COASY: variants seen among roughly 807,000 people sequenced by gnomAD.
COASY encodes the protein Coenzyme A synthase.
A neutral mutation model predicts 49.4 loss-of-function variants in COASY; 31 were observed. The observed-to-expected ratio is 0.63, with a 90% CI of 0.47 to 0.85. The LOEUF (loss-of-function observed/expected upper bound fraction) is 0.85. COASY is among the 40% of genes least tolerant of loss of function. The pLI, the probability that COASY is intolerant of heterozygous loss-of-function variation, is 0.00. For synonymous variants in COASY, 285 were observed against 310.9 expected (o/e 0.92, Z 0.88); for missense variants, 730 against 734.1 (o/e 0.99, Z 0.06).
Position 42,563,951 on chromosome 17 carries a change from C to T in COASY, c.701-10C>T, listed in dbSNP as rs1195229245. The T allele has an allele frequency of 5.6e-6, 9 of 1,592,950 alleles. No homozygotes were observed. The highest frequency in any genetic ancestry group is 1.3e-5 in the African/African-American group (1 of 74,414). ...AAAGATCTCACTGTTCTTCTGGGCT[C>T]CTTCCCCAGGCAAGTTGCTCCCTGA... On this transcript the variant is annotated splice_polypyrimidine_tract_variant and intron_variant, in intron 1 of 8. Transcript: ENST00000393818.
In COASY at chr17:42,562,858, G is replaced by A. The variant is rs1452823466; in HGVS notation, c.236G>A (p.Arg79Lys). The A allele has an allele frequency of 6.2e-7, 1 of 1,613,392 alleles. No individual in the cohort carries two copies. The highest frequency in any genetic ancestry group is 8.5e-7 in the Non-Finnish European group (1 of 1,179,558). ...CTCTATGCTGGCGCCGACGTCCACA[G>A]GCACTTGGACGTCAGAATCCTACTG... ...THLYAGADVH[R>K]HLDVRILLTN... is the part of the protein sequence containing the mutation. The change falls in exon 1 of 9, where the codon AGG becomes AAG. Residue 79 changes from arginine to lysine, a missense_variant. Arg to Lys is a conservative substitution (Grantham distance 26, BLOSUM62 2). Transcript: ENST00000393818.
In COASY at chr17:42,562,230, G is replaced by C. The variant is rs377332971; in HGVS notation, c.-393G>C. 1 of 559,424 alleles carries C rather than the reference G, an allele frequency of 1.8e-6. No homozygotes were observed. The highest frequency in any genetic ancestry group is 1.9e-5 in the African/African-American group (1 of 51,826). 34.7% of individuals were successfully genotyped at this position (559,424 alleles called of 1,614,324 possible). A position where few individuals can be genotyped will look rare whatever the true frequency, so the allele number is the denominator to read the frequency against. On this transcript the variant is annotated 5_prime_UTR_variant, in exon 1 of 9. Coordinates refer to ENST00000393818, the MANE Select transcript of COASY (RefSeq NM_025233.7). ...AGCCTTGAGGTTTCAGTGAGTAGGG[G>C]GCCGACGTGAGCTTTAGCGTCCCCC...
At chr17:42,565,358 T>C in intron 6 of COASY, 47 bp downstream of exon 6, 1 of 1,609,680 alleles carries the variant, frequency 6.2e-7, no homozygotes, top group Non-Finnish European at 8.5e-7. Context: ...AGTTAAGCTG[T>C]TTCTTCCCCT....
At chr17:42,563,674 T>G in intron 1 of COASY, 3 of 516,882 alleles carry the variant, frequency 5.8e-6, no homozygotes, top group Non-Finnish European at 1.0e-5. Flanking sequence ...ATGGCATGGG[T>G]CTTGGAATTT....
Position 42,563,907 on chromosome 17 carries a change from A to G in COASY, c.701-54A>G, listed in dbSNP as rs569578413. ...GGGACACTTTTTCCCAAACTGGCCC[A>G]TACTCTCCTCCCCAATAAAAAGATC... On this transcript the variant is annotated intron_variant, in intron 1 of 8. Transcript: ENST00000393818. The G allele has an allele frequency of 9.7e-5, 143 of 1,471,254 alleles. No individual in the cohort carries two copies. In the African/African-American group the frequency reaches 1.7e-3, roughly 18 times the overall value. 91.1% of individuals were successfully genotyped at this position (1,471,254 alleles called of 1,614,324 possible). A position where few individuals can be genotyped will look rare whatever the true frequency, so the allele number is the denominator to read the frequency against.
rs2092980462 is a variant in COASY, at chr17:42,562,544, C to G, written c.-79C>G. 1 of 1,599,788 alleles carries G rather than the reference C, an allele frequency of 6.3e-7. No individual in the cohort carries two copies. Among genetic ancestry groups the G allele is most frequent in the African/African-American group, 1.3e-5 (1 of 74,224 alleles). On this transcript the variant is annotated 5_prime_UTR_variant, in exon 1 of 9. Transcript: ENST00000393818. ...CCTCCTTCTCTGGGGTCCAAGGTCC[C>G]ATACAGGCCTCTGCCTCGGCCGCAG... is the stretch of plus-strand genomic sequence containing the variant.
chr17:42,564,724 C>G lies in COASY; in HGVS notation c.1063C>G (p.Pro355Ala). 6.5e-7 allele frequency: 1 copy of G among 1,526,888 alleles called. No individual in the cohort carries two copies. The highest frequency in any genetic ancestry group is 8.8e-7 in the Non-Finnish European group (1 of 1,141,394). 94.6% of individuals were successfully genotyped at this position (1,526,888 alleles called of 1,614,324 possible). A position where few individuals can be genotyped will look rare whatever the true frequency, so the allele number is the denominator to read the frequency against. The change falls in exon 4 of 9, where the codon CCC becomes GCC. Residue 355 changes from proline to alanine, a missense_variant. Transcript: ENST00000393818. Reference protein sequence around the residue: ...LRPPYERPELPTCLYVIGLTG... With the variant: ...LRPPYERPELATCLYVIGLTG... ...CTATCCCCAGGAAAGGCCAGAGCTC[C>G]CCACATGTCTCTATGTAATTGGGCT... is the stretch of plus-strand genomic sequence containing the variant.
chr17:42,563,214 G>A lies in COASY; in HGVS notation c.592G>A (p.Gly198Ser). Reference sequence around the variant, plus strand: ...TGGCTACTACCGTGGCGCTGTCGGTGGCACGTTTGACCGCCTGCACAACGC... The same window carrying A: ...TGGCTACTACCGTGGCGCTGTCGGTAGCACGTTTGACCGCCTGCACAACGC... ...VRGYYRGAVG[G>S]TFDRLHNAHK... Residue 198 changes from glycine to serine, a missense_variant, in exon 1 of 9, where the codon GGC (glycine) becomes AGC (serine). Coordinates refer to ENST00000393818, the MANE Select transcript of COASY (RefSeq NM_025233.7). The A allele has an allele frequency of 1.2e-6, 2 of 1,613,764 alleles. No homozygotes were observed. Among genetic ancestry groups the A allele is most frequent in the Non-Finnish European group, 1.7e-6 (2 of 1,180,020 alleles).
intron 2 of COASY, 113 bp from the exon 3 acceptor site, chr17:42,564,333 G>A: frequency 6.5e-7 from 1 of 1,539,084 alleles, no homozygotes; most frequent in Non-Finnish European, 9.0e-7. Flanking sequence ...TGCCCGCTGA[G>A]TCGGAGGAGG....
chr17:42,564,464 T>C lies in COASY; in HGVS notation c.934T>C (p.Leu312=). The C allele has an allele frequency of 6.2e-7, 1 of 1,614,082 alleles. No homozygotes were observed. Among genetic ancestry groups the C allele is most frequent in the African/African-American group, 1.3e-5 (1 of 75,016 alleles). Residue 312 remains leucine (L), a synonymous_variant, in exon 3 of 9, where the codon TTG becomes CTG. Coordinates refer to ENST00000393818, the MANE Select transcript of COASY (RefSeq NM_025233.7). Reference sequence around the variant, plus strand: ...ACCCCAGGACCTGGAGGAACTTGCTTTGTACCAGATCCAGCTGCTGAAGGA... The same window carrying C: ...ACCCCAGGACCTGGAGGAACTTGCTCTGTACCAGATCCAGCTGCTGAAGGA... The part of the protein sequence containing the change: ...RLENDLEELA[L]YQIQLLKDLR...
In COASY at chr17:42,565,681, G is replaced by T; in HGVS notation, c.1508G>T (p.Arg503Met). The change falls in exon 8 of 9, where the codon AGG (arginine) becomes ATG (methionine). Residue 503 changes from arginine (R) to methionine (M), a missense_variant. Physicochemically the swap from Arg to Met is moderately conservative, Grantham distance 91. Transcript: ENST00000393818. ...CAGGCTGTAAGACGCATTGTGGAGAGGGATGGCCTCAGTGAAGCCGCGGCT... is the reference window on the plus strand; with the variant it reads ...CAGGCTGTAAGACGCATTGTGGAGATGGATGGCCTCAGTGAAGCCGCGGCT... ...ETEAVRRIVE[R>M]DGLSEAAAQS... 1.2e-6 allele frequency: 2 copies of T among 1,614,136 alleles called. No homozygotes were observed. The highest frequency in any genetic ancestry group is 1.7e-6 in the Non-Finnish European group (2 of 1,180,044).
rs748263334 is a variant in COASY at position 42,563,058 on chromosome 17, C to G, written c.436C>G (p.Arg146Gly). 1.9e-6 allele frequency: 3 copies of G among 1,614,150 alleles called. No homozygotes were observed. Among genetic ancestry groups the G allele is most frequent in the Non-Finnish European group, 1.7e-6 (2 of 1,180,032 alleles). ...YATSCYSCCP[R>G]LASVLLYSDY... ...CACCAGCTGTTACAGCTGTTGTCCGCGACTGGCCTCGGTGCTGCTATACTC... is the reference window on the plus strand; with the variant it reads ...CACCAGCTGTTACAGCTGTTGTCCGGGACTGGCCTCGGTGCTGCTATACTC... The change falls in exon 1 of 9, where the codon CGA becomes GGA. Residue 146 changes from arginine (R) to glycine (G), a missense_variant. Arg to Gly is a moderately radical substitution (Grantham distance 125). Transcript: ENST00000393818.
In COASY at chr17:42,562,513, T is replaced by C. The variant is rs1338906942; in HGVS notation, c.-110T>C. 5 of 1,612,714 alleles carry C rather than the reference T, an allele frequency of 3.1e-6. No homozygotes were observed. The highest frequency in any genetic ancestry group is 3.4e-6 in the Non-Finnish European group (4 of 1,179,652). ...GTCAGCACTGAAACCCCGTCCCTGC[T>C]CCAGGCCTCCTTCTCTGGGGTCCAA... On this transcript the variant is annotated 5_prime_UTR_variant, in exon 1 of 9. Coordinates refer to ENST00000393818, the MANE Select transcript of COASY (RefSeq NM_025233.7).
Position 42,562,952 on chromosome 17 carries a change from G to A in COASY, c.330G>A (p.Pro110=), listed in dbSNP as rs201571427. ...LPTSVQNLAH[P]PEVVLTDFQT... is the part of the protein sequence containing the mutation. ...CCTCAGTCCAGAATCTCGCCCACCC[G>A]CCAGAAGTCGTGTTGACAGATTTCC... The change falls in exon 1 of 9, where the codon CCG becomes CCA. Residue 110 remains proline (P), a synonymous_variant. Coordinates refer to ENST00000393818, the MANE Select transcript of COASY (RefSeq NM_025233.7). 3.1e-6 allele frequency: 5 copies of A among 1,613,656 alleles called. No homozygotes were observed. The highest frequency in any genetic ancestry group is 1.3e-5 in the African/African-American group (1 of 74,876).
rs145141640 is a variant in COASY, at chr17:42,562,865, G to A, written c.243G>A (p.Leu81=). The A allele has an allele frequency of 5.3e-5, 86 of 1,613,278 alleles. No homozygotes were observed. The highest frequency in any genetic ancestry group is 7.0e-5 in the Non-Finnish European group (82 of 1,179,572). Reference sequence around the variant, plus strand: ...CTGGCGCCGACGTCCACAGGCACTTGGACGTCAGAATCCTACTGACCAATA... The same window carrying A: ...CTGGCGCCGACGTCCACAGGCACTTAGACGTCAGAATCCTACTGACCAATA... ...LYAGADVHRH[L]DVRILLTNIR... is the part of the protein sequence containing the mutation. Residue 81 remains leucine, a synonymous_variant, in exon 1 of 9, where the codon TTG becomes TTA. Transcript: ENST00000393818.
Position 42,564,865 on chromosome 17 carries a change from G to A in COASY, c.1204G>A (p.Ala402Thr), listed in dbSNP as rs370751417. ...TCGGGCCTATGCCCCAGGTGGCCCT[G>A]CCTACCAGCCTGTGGTGGAGGCCTT... is the stretch of plus-strand genomic sequence containing the variant. The part of the protein sequence containing the change: ...GHRAYAPGGP[A>T]YQPVVEAFGT... The change falls in exon 4 of 9, where the codon GCC becomes ACC. Residue 402 changes from alanine to threonine, a missense_variant. Physicochemically the swap from Ala to Thr is moderately conservative, Grantham distance 58. Transcript: ENST00000393818. 4 of 1,595,930 alleles carry A rather than the reference G, an allele frequency of 2.5e-6. No individual in the cohort carries two copies. The African/African-American group carries it at 5.4e-5, about 22-fold the overall frequency.
At chr17:42,565,395 T>G in intron 6 of COASY, 76 bp from the exon 7 acceptor site, 1 of 1,606,594 alleles carries the variant, frequency 6.2e-7, no homozygotes, top group Admixed American at 1.7e-5. Flanking sequence ...AACGTGGGAC[T>G]GTCTGTTCAC....
chr17:42,565,550 T>TGTCATC lies in COASY; in HGVS notation c.1468_1473dup (p.Val490_Ile491dup). On this transcript the variant is annotated inframe_insertion, in exon 7 of 9. Coordinates refer to ENST00000393818, the MANE Select transcript of COASY (RefSeq NM_025233.7). ...ACCTGGTCCATGAGGTGTGGACTGC[T>TGTCATC]GTCATCCCAGAGACTGAGGTATCTC... 6.2e-7 allele frequency: 1 copy of TGTCATC among 1,614,212 alleles called. No individual in the cohort carries two copies. Among genetic ancestry groups the TGTCATC allele is most frequent in the Non-Finnish European group, 8.5e-7 (1 of 1,180,020 alleles).
At chr17:42,565,878 T>G in intron 8 of COASY, 28 bp from the exon 9 acceptor site, 1 of 1,613,894 alleles carries the variant, frequency 6.2e-7, no homozygotes, top group South Asian at 1.1e-5. Context: ...TGCCCTCTCT[T>G]CCTCCCAACA....
Sources: gnomAD v4.1 joint callset for allele counts on GRCh38, gnomAD v4.1.1 for gene constraint, MANE v1.5 for transcripts, NCBI Gene and HGNC (gene_info 2026-07-23, HGNC 2026-07-21) for gene names.